VPS8: variants seen among roughly 807,000 people sequenced by gnomAD.
VPS8 encodes vacuolar protein sorting-associated protein 8 homolog.
In VPS8, 129 loss-of-function variants were observed where a neutral mutation model predicts 216.4. That is an observed-to-expected ratio of 0.60 (90% CI 0.52 to 0.69). The LOEUF (loss-of-function observed/expected upper bound fraction) is 0.69. Among genes scored for constraint, VPS8 ranks in the 30% least tolerant of loss-of-function variants. The pLI, the probability that VPS8 is intolerant of heterozygous loss-of-function variation, is 0.00. For missense variants in VPS8, 1,531 were observed against 1,683.5 expected, an observed-to-expected ratio of 0.91 and a Z score of 1.59; for synonymous variants, 571 against 565.4, an observed-to-expected ratio of 1.01 and a Z score of -0.14.
intron 45 of VPS8, among the ~76,000 whole-genome samples, chr3:185,011,984 A>G (rs969301570): frequency 2.6e-5 from 4 of 152,198 alleles, no homozygotes; most frequent in Non-Finnish European, 5.9e-5. Flanking sequence ...AAGTAAAACC[A>G]AGTGTAAATT....
At chr3:184,833,266 C>T (rs905544392) in intron 4 of VPS8, among the ~76,000 whole-genome samples, 1 of 152,078 alleles carries the variant, frequency 6.6e-6, no homozygotes, top group Non-Finnish European at 1.5e-5. Flanking sequence ...ACTTCTAACC[C>T]TAAATAACTT....
At chr3:184,944,100 G>T (rs775371204) in intron 36 of VPS8, among the ~76,000 whole-genome samples, 16 of 152,042 alleles carry the variant, frequency 1.1e-4, no homozygotes, top group Non-Finnish European at 1.3e-4. Flanking sequence ...TTTTTGAGGG[G>T]GTAGTTTTTA....
At chr3:184,844,157 C>T (rs901154737) in intron 8 of VPS8, among the ~76,000 whole-genome samples, 17 of 152,164 alleles carry the variant, frequency 1.1e-4, no homozygotes, top group African/African-American at 3.9e-4. Flanking sequence ...TGTGGTGGCT[C>T]ACACTTGTAA....
intron 10 of VPS8, among the ~76,000 whole-genome samples, 156 bp from the exon 11 acceptor site, chr3:184,852,344 T>C (rs1301468970): frequency 3.9e-5 from 6 of 152,198 alleles, no homozygotes; most frequent in African/African-American, 1.4e-4. Context: ...AAAGGTAAGT[T>C]TGTAAGTTTA....
chr3:184,963,878 T>C (rs1746954985), intron 37 of VPS8, among the ~76,000 whole-genome samples: 1 of 152,104 alleles, frequency 6.6e-6, no homozygotes, highest in African/African-American at 2.4e-5. Flanking sequence ...GAGACTATCA[T>C]GTTTTTTTCC....
intron 8 of VPS8, 125 bp from the exon 9 acceptor site, chr3:184,848,946 A>T: frequency 1.0e-6 from 1 of 988,168 alleles, no homozygotes; most frequent in Non-Finnish European, 1.5e-6. Context: ...TTAAAAATGA[A>T]TGTGACTTCA....
intron 46 of VPS8, among the ~76,000 whole-genome samples, chr3:185,045,930 C>G (rs1712793130): frequency 6.6e-6 from 1 of 152,204 alleles, no homozygotes; most frequent in East Asian, 1.9e-4. Context: ...CCCTGGGGCT[C>G]TCAGAGATCA....
intron 16 of VPS8, among the ~76,000 whole-genome samples, chr3:184,866,147 C>T (rs1425881543): frequency 6.6e-6 from 1 of 152,156 alleles, no homozygotes; most frequent in African/African-American, 2.4e-5. Context: ...TGAAAACAAT[C>T]TACATATTCA....
chr3:184,920,584 A>G (rs778527668), intron 29 of VPS8, among the ~76,000 whole-genome samples: 2 of 152,230 alleles, frequency 1.3e-5, no homozygotes, highest in South Asian at 2.1e-4. Flanking sequence ...GCCGTATTCT[A>G]TCATGGCACT....
In VPS8 at chr3:184,957,379, G is replaced by A. The variant is rs748057572; in HGVS notation, c.3041G>A (p.Gly1014Asp). 1 of 1,607,512 alleles carries A rather than the reference G, an allele frequency of 6.2e-7. No homozygotes were observed. Among genetic ancestry groups the A allele is most frequent in the Admixed American group, 1.7e-5 (1 of 59,038 alleles). ...TTTATCTTTTATGTTTTTAGGGAAG[G>A]TATTCATGTAAATCAAGAATTACTG... ...FLRSLLDPRE[G>D]IHVNQELLQI... The change falls in exon 37 of 48, where the codon GGT (glycine) becomes GAT (aspartate). Residue 1014 changes from glycine (G) to aspartate (D), a missense_variant. By Grantham distance (94) the Gly-to-Asp change is moderately conservative. This residue lies in a region of VPS8 where 1,318 missense variants were observed against 1,468.4 expected (regional missense o/e 0.90). Coordinates refer to ENST00000625842, the MANE Select transcript of VPS8 (RefSeq NM_001009921.3).
At chr3:184,988,026 G>T (rs1162795512) in intron 42 of VPS8, among the ~76,000 whole-genome samples, 2 of 152,126 alleles carry the variant, frequency 1.3e-5, no homozygotes, top group African/African-American at 4.8e-5. Context: ...TTTTCTTGTT[G>T]TTGGGTTTTA....
chr3:184,869,382 C>A, intron 19 of VPS8, 100 bp from the exon 20 acceptor site: 1 of 1,205,580 alleles, frequency 8.3e-7, no homozygotes, highest in Non-Finnish European at 1.2e-6. Flanking sequence ...TACAATTATA[C>A]CTGTTGTTTC....
At chr3:184,819,597 T>G (rs1560243852) in intron 1 of VPS8, among the ~76,000 whole-genome samples, 1 of 152,224 alleles carries the variant, frequency 6.6e-6, no homozygotes, top group Admixed American at 6.5e-5. Context: ...AAGGGCCTGC[T>G]TAATAAACAC....
At chr3:185,019,244 C>T (rs538650501) in intron 45 of VPS8, among the ~76,000 whole-genome samples, 3 of 152,192 alleles carry the variant, frequency 2.0e-5, no homozygotes, top group South Asian at 2.1e-4. Flanking sequence ...ACCATCACTC[C>T]GGCGACCCTT....
chr3:185,050,380 A>C (rs1187760210), intron 47 of VPS8, among the ~76,000 whole-genome samples: 2 of 152,212 alleles, frequency 1.3e-5, no homozygotes, highest in East Asian at 3.9e-4. Flanking sequence ...TCTCTGGGCC[A>C]GGACCTGGAC....
intron 28 of VPS8, among the ~76,000 whole-genome samples, chr3:184,917,626 G>A (rs955280607): frequency 3.9e-5 from 6 of 152,150 alleles, no homozygotes; most frequent in South Asian, 2.1e-4. Context: ...AGCTGGTCTC[G>A]AACTCCTGAC....
chr3:185,044,255 G>A (rs966075007), intron 46 of VPS8, among the ~76,000 whole-genome samples: 9 of 152,180 alleles, frequency 5.9e-5, no homozygotes, highest in African/African-American at 1.4e-4. Context: ...AATGGCAGAC[G>A]AAAGGCATCT....
intron 8 of VPS8, among the ~76,000 whole-genome samples, chr3:184,848,293 A>C (rs1177108820): frequency 6.6e-6 from 1 of 152,138 alleles, no homozygotes; most frequent in Non-Finnish European, 1.5e-5. Flanking sequence ...TGCACCGTTA[A>C]TTAGCTTAGT....
chr3:184,900,417 C>A (rs138341713), intron 24 of VPS8, among the ~76,000 whole-genome samples: 39 of 152,280 alleles, frequency 2.6e-4, no homozygotes, highest in African/African-American at 6.5e-4. Flanking sequence ...ATGCTAATGG[C>A]AGCTGAATTT....
Sources: gnomAD v4.1 joint callset for allele counts (sites outside exome capture counted in the v4.1 genomes callset) on GRCh38, gnomAD v4.1.1 for gene constraint, gnomAD v4.1.1 regional missense constraint, MANE v1.5 for transcripts, NCBI Gene and HGNC (gene_info 2026-07-23, HGNC 2026-07-21) for gene names.